Variants in COL13A1 observed in about 807,000 individuals in gnomAD.
COL13A1 encodes collagen alpha-1(XIII) chain.
COL13A1 carries 89 observed loss-of-function variants against 130.9 expected under a neutral mutation model. That is an observed-to-expected ratio of 0.68 (90% CI 0.57 to 0.81). COL13A1 has a LOEUF of 0.81. Ranked by LOEUF, COL13A1 falls within the 30% of genes least tolerant of loss-of-function variation. COL13A1 has a pLI of 0.00. For synonymous variants in COL13A1, 402 were observed against 341.6 expected, an observed-to-expected ratio of 1.18 and a Z score of -1.95; for missense variants, 879 against 934.6, an observed-to-expected ratio of 0.94 and a Z score of 0.78.
chr10:69,872,009 C>T (rs2059118271), intron 3 of COL13A1, among the ~76,000 whole-genome samples, 175 bp from the exon 4 acceptor site: 1 of 152,188 alleles, frequency 6.6e-6, no homozygotes, highest in Non-Finnish European at 1.5e-5. Flanking sequence ...AGAGCCAGAA[C>T]TGGAAGGAAG....
chr10:69,920,030 A>C (rs1319371846), intron 21 of COL13A1, among the ~76,000 whole-genome samples: 1 of 152,140 alleles, frequency 6.6e-6, no homozygotes, highest in Non-Finnish European at 1.5e-5. Flanking sequence ...CCTGCTTCCG[A>C]AGGATACCCA....
At chr10:69,927,183 A>T (rs2135749194) in intron 27 of COL13A1, 73 bp downstream of exon 27, 3 of 1,601,596 alleles carry the variant, frequency 1.9e-6, no homozygotes, top group East Asian at 2.2e-5. Context: ...GGAAGCAAGG[A>T]TTTGATTTCT....
At chr10:69,942,547 T>C (rs2067789457) in intron 35 of COL13A1, among the ~76,000 whole-genome samples, 1 of 152,186 alleles carries the variant, frequency 6.6e-6, no homozygotes, top group Non-Finnish European at 1.5e-5. Flanking sequence ...GAGTCTTTAT[T>C]TTCCTCATAA....
chr10:69,923,938 A>C (rs2065018898), intron 24 of COL13A1, 83 bp downstream of exon 24: 1 of 1,532,688 alleles, frequency 6.5e-7, no homozygotes, highest in Non-Finnish European at 8.9e-7. Flanking sequence ...CCCTAGGGGT[A>C]TCCCTCAGGG....
At chr10:69,911,466 G>A (rs568749881) in intron 17 of COL13A1, among the ~76,000 whole-genome samples, 4 of 152,302 alleles carry the variant, frequency 2.6e-5, no homozygotes, top group African/African-American at 7.2e-5. Flanking sequence ...CATTTTCCCC[G>A]AGGTCCACAG....
intron 2 of COL13A1, among the ~76,000 whole-genome samples, chr10:69,859,410 A>G (rs2395280): frequency 0.67 from 102,171 of 152,116 alleles, 34,912 homozygotes; most frequent in East Asian, 0.96. Flanking sequence ...GTGGCATTCG[A>G]CATGAGTCTG....
intron 32 of COL13A1, 97 bp downstream of exon 32, chr10:69,935,488 C>A: frequency 1.1e-6 from 1 of 911,504 alleles, no homozygotes; most frequent in Non-Finnish European, 1.6e-6. Context: ...ATCACCTCTT[C>A]CTCCCAGGGA....
intron 2 of COL13A1, among the ~76,000 whole-genome samples, chr10:69,850,504 G>A: frequency 1.3e-5 from 2 of 150,420 alleles, no homozygotes; most frequent in Non-Finnish European, 3.0e-5. Context: ...CATGTCTAAT[G>A]CAGGGGCCTT....
chr10:69,884,485 G>C (rs1180238891), intron 7 of COL13A1, among the ~76,000 whole-genome samples: 1 of 152,134 alleles, frequency 6.6e-6, no homozygotes, highest in Admixed American at 6.5e-5. Context: ...GAGACTTCTT[G>C]GTAGGCTTTT....
chr10:69,937,356 T>G (rs1261949471), intron 33 of COL13A1, among the ~76,000 whole-genome samples: 1 of 152,188 alleles, frequency 6.6e-6, no homozygotes, highest in African/African-American at 2.4e-5. Flanking sequence ...TCTCCTGCCA[T>G]GCAGTTGGGC....
intron 1 of COL13A1, among the ~76,000 whole-genome samples, chr10:69,814,332 G>A (rs571236340): frequency 2.6e-5 from 4 of 152,308 alleles, no homozygotes; most frequent in Non-Finnish European, 1.5e-5. Flanking sequence ...GGAGGAGGAG[G>A]AGGGACATGG....
At chr10:69,807,627 T>C (rs1271745746) in intron 1 of COL13A1, among the ~76,000 whole-genome samples, 1 of 152,178 alleles carries the variant, frequency 6.6e-6, no homozygotes, top group African/African-American at 2.4e-5. Context: ...GAAGAGACTC[T>C]TAAAGGGGAT....
chr10:69,824,739 C>T (rs56306223), intron 2 of COL13A1, among the ~76,000 whole-genome samples: 10,475 of 152,256 alleles, frequency 0.069, 460 homozygotes, highest in East Asian at 0.16. Flanking sequence ...TGGGCAGGGG[C>T]TCCTGGAAGG....
chr10:69,923,760 G>T (rs1330172575), intron 23 of COL13A1, 42 bp from the exon 24 acceptor site: 1 of 1,593,202 alleles, frequency 6.3e-7, no homozygotes, highest in East Asian at 2.3e-5. Context: ...AGCTGTCCAG[G>T]TGCCCAGCAT....
chr10:69,877,475 G>A (rs1254108484), intron 5 of COL13A1: 2 of 152,862 alleles, frequency 1.3e-5, no homozygotes, highest in African/African-American at 4.8e-5. Flanking sequence ...GTGTTCAGCT[G>A]GACCTGCAAA....
At chr10:69,839,042 G>T (rs531874136) in intron 2 of COL13A1, among the ~76,000 whole-genome samples, 2 of 152,340 alleles carry the variant, frequency 1.3e-5, no homozygotes, top group South Asian at 4.1e-4. Context: ...CCCATCCCCT[G>T]ATTGGGCCTC....
At chr10:69,846,514 G>C (rs752827357) in intron 2 of COL13A1, among the ~76,000 whole-genome samples, 7 of 152,148 alleles carry the variant, frequency 4.6e-5, no homozygotes, top group East Asian at 1.9e-4. Flanking sequence ...CAGGGAGAAG[G>C]CTCAGCTGGT....
At chr10:69,852,319 T>C (rs1855097024) in intron 2 of COL13A1, among the ~76,000 whole-genome samples, 1 of 152,266 alleles carries the variant, frequency 6.6e-6, no homozygotes, top group Non-Finnish European at 1.5e-5. Context: ...ATAATAATAA[T>C]AATAAGCCAA....
At chr10:69,849,363 G>A (rs10762318) in intron 2 of COL13A1, among the ~76,000 whole-genome samples, 60,421 of 151,958 alleles carry the variant, frequency 0.4, 13,339 homozygotes, top group East Asian at 0.74. Context: ...GGGCGCTTCC[G>A]CAGCAGTGCC....
Sources: gnomAD v4.1 joint callset for allele counts (sites outside exome capture counted in the v4.1 genomes callset) on GRCh38, gnomAD v4.1.1 for gene constraint, MANE v1.5 for transcripts, NCBI Gene and HGNC (gene_info 2026-07-23, HGNC 2026-07-21) for gene names.